Variants in TNFAIP6 observed in about 807,000 individuals in gnomAD.
The protein encoded by TNFAIP6 is TNF alpha induced protein 6.
In TNFAIP6, 36 loss-of-function variants were observed where a neutral mutation model predicts 33.7. That is an observed-to-expected ratio of 1.07 (90% CI 0.82 to 1.41). TNFAIP6 has a LOEUF of 1.41. Among genes scored for constraint, TNFAIP6 ranks in the 40% most tolerant of loss-of-function variants. TNFAIP6 has a pLI of 0.00. For synonymous variants in TNFAIP6, 113 were observed against 112.8 expected, an observed-to-expected ratio of 1.00 and a Z score of -0.01; for missense variants, 273 against 331.9, an observed-to-expected ratio of 0.82 and a Z score of 1.38.
intron 1 of TNFAIP6, among the ~76,000 whole-genome samples, chr2:151,359,008 C>T (rs936841345): frequency 2.0e-5 from 3 of 152,096 alleles, no homozygotes; most frequent in Admixed American, 1.3e-4. Flanking sequence ...CTCTAATAAT[C>T]AAGTAATTTA....
At chr2:151,373,508 T>A (rs758047448) in intron 4 of TNFAIP6, 41 bp from the exon 5 acceptor site, 4 of 1,339,316 alleles carry the variant, frequency 3.0e-6, no homozygotes, top group Middle Eastern at 1.9e-4. Context: ...CTGTATAATA[T>A]TCATTTGTGT....
intron 1 of TNFAIP6, among the ~76,000 whole-genome samples, chr2:151,363,643 CAGAG>C (rs985824341): frequency 1.3e-5 from 2 of 152,108 alleles, no homozygotes; most frequent in South Asian, 2.1e-4. Context: ...GCCTGGGAGA[CAGAG>C]AGACTCCGTC....
chr2:151,373,632 T>C (rs762686181), intron 5 of TNFAIP6, 43 bp downstream of exon 5: 1 of 1,245,306 alleles, frequency 8.0e-7, no homozygotes, highest in Non-Finnish European at 1.1e-6. Context: ...TTTGTTTCTT[T>C]ACAGTGTCCC....
At chr2:151,377,481 GTT>G (rs1684935341) in intron 5 of TNFAIP6, among the ~76,000 whole-genome samples, 3 of 97,576 alleles carry the variant, frequency 3.1e-5, no homozygotes, top group Non-Finnish European at 6.1e-5. Context: ...TTTTGTGTTT[GTT>G]TGTTTGTTTG....
chr2:151,364,194 G>A (rs559125316), intron 2 of TNFAIP6, 114 bp downstream of exon 2: 171 of 1,312,800 alleles, frequency 1.3e-4, no homozygotes, highest in Non-Finnish European at 1.6e-4. Context: ...ATATCACTAA[G>A]CCCCTAGGAC....
At chr2:151,381,164 C>T (rs1472216781), downstream of TNFAIP6, among the ~76,000 whole-genome samples, 1 of 152,016 alleles carries the variant, frequency 6.6e-6, no homozygotes. Flanking sequence ...CTTCCTCTTC[C>T]AAAGCAAGTC....
Position 151,379,456 on chromosome 2 carries a change from T to TC in TNFAIP6, c.759dup (p.Ser254GlnfsTer14). On this transcript the variant is annotated frameshift_variant, in exon 6 of 6. Coordinates refer to ENST00000243347, the MANE Select transcript of TNFAIP6 (RefSeq NM_007115.4). LOFTEE classifies it high-confidence loss of function. ...TGTTGCAATGGATCCTGTATCCAAA[T>TC]CCAGTCAAGGAAAAAATACAAGTAC... is the stretch of plus-strand genomic sequence containing the variant. 1.2e-6 allele frequency: 2 copies of TC among 1,605,006 alleles called. No individual in the cohort carries two copies. The highest frequency in any genetic ancestry group is 1.7e-6 in the Non-Finnish European group (2 of 1,176,670).
downstream of TNFAIP6, among the ~76,000 whole-genome samples, chr2:151,380,985 G>A (rs560878874): frequency 7.2e-5 from 11 of 151,864 alleles, no homozygotes; most frequent in South Asian, 2.3e-3. Context: ...ACCTTTTTAG[G>A]GAGAAAAAAA....
chr2:151,370,227 A>C lies in TNFAIP6; in HGVS notation c.602A>C (p.Asp201Ala). 6.2e-7 allele frequency: 1 copy of C among 1,614,020 alleles called. No individual in the cohort carries two copies. The highest frequency in any genetic ancestry group is 1.1e-5 in the South Asian group (1 of 91,082). The change falls in exon 4 of 6, where the codon GAT (aspartate) becomes GCT (alanine). Residue 201 changes from aspartate (D) to alanine (A), a missense_variant. By Grantham distance (126) the Asp-to-Ala change is moderately radical. Coordinates refer to ENST00000243347, the MANE Select transcript of TNFAIP6 (RefSeq NM_007115.4). Reference sequence around the variant, plus strand: ...GTTGAAATATATGACAGTTACGATGATGTCCATGGCTTTGTGGGAAGGTAC... The same window carrying C: ...GTTGAAATATATGACAGTTACGATGCTGTCCATGGCTTTGTGGGAAGGTAC... ...DYVEIYDSYD[D>A]VHGFVGRYCG...
At chr2:151,373,453 G>A (rs1684849448) in intron 4 of TNFAIP6, 96 bp from the exon 5 acceptor site, 2 of 569,164 alleles carry the variant, frequency 3.5e-6, no homozygotes, top group Admixed American at 6.0e-5. Flanking sequence ...GGAACAATGA[G>A]CTATTACTTA....
Position 151,379,545 on chromosome 2 carries a change from A to AG in TNFAIP6, c.*14dup. 1 of 1,344,484 alleles carries AG rather than the reference A, an allele frequency of 7.4e-7. No homozygotes were observed. Among genetic ancestry groups the AG allele is most frequent in the South Asian group, 1.4e-5 (1 of 70,732 alleles). The allele number at this position is 1,344,484 out of a possible 1,614,324, so 83.3% of individuals were successfully genotyped here. ...TTAGCCACTTATAAAAAAAAAAAAA[A>AG]GGATGATCAAAACACACAGTGTTTA... On this transcript the variant is annotated 3_prime_UTR_variant, in exon 6 of 6. Transcript: ENST00000243347.
intron 4 of TNFAIP6, among the ~76,000 whole-genome samples, chr2:151,370,643 T>G (rs144179422): frequency 2.0e-5 from 3 of 152,316 alleles, no homozygotes; most frequent in African/African-American, 7.2e-5. Context: ...GCCTTTGGAT[T>G]ATGGCTAAGT....
chr2:151,358,782 A>G (rs1684576829), intron 1 of TNFAIP6, among the ~76,000 whole-genome samples: 1 of 151,994 alleles, frequency 6.6e-6, no homozygotes, highest in Non-Finnish European at 1.5e-5. Context: ...CTTGCCGCCT[A>G]TTTTTTTCAG....
chr2:151,364,034 C>G lies in TNFAIP6; in HGVS notation c.186C>G (p.Gly62=). 1 of 1,614,000 alleles carries G rather than the reference C, an allele frequency of 6.2e-7. No individual in the cohort carries two copies. The change falls in exon 2 of 6, where the codon GGC becomes GGG. Residue 62 remains glycine, a synonymous_variant. Transcript: ENST00000243347. ...AEAKAVCEFE[G]GHLATYKQLE... ...CTAAGGCGGTGTGTGAATTTGAAGGCGGCCATCTCGCAACTTACAAGCAGC... is the reference window on the plus strand; with the variant it reads ...CTAAGGCGGTGTGTGAATTTGAAGGGGGCCATCTCGCAACTTACAAGCAGC...
rs534615843 is a variant in TNFAIP6 at position 151,378,389 on chromosome 2, T to C, written c.665-975T>C. On this transcript the variant is annotated intron_variant, in intron 5 of 5. Transcript: ENST00000243347. Reference sequence around the variant, plus strand: ...TTCTAATAAATGTGAAACTTGTTGCTCTGACATCATTTAGTAAATAACTCA... The same window carrying C: ...TTCTAATAAATGTGAAACTTGTTGCCCTGACATCATTTAGTAAATAACTCA... Among the ~76,000 whole-genome samples the C allele has an allele frequency of 6.6e-5, 10 of 152,300 alleles. No homozygotes were observed. The South Asian group carries it at 2.1e-3, about 32-fold the overall frequency.
chr2:151,361,067 T>G (rs1699711551), intron 1 of TNFAIP6, among the ~76,000 whole-genome samples: 1 of 152,122 alleles, frequency 6.6e-6, no homozygotes, highest in South Asian at 2.1e-4. Context: ...TTTTTTGTTT[T>G]GTTTTGGTTT....
intron 1 of TNFAIP6, among the ~76,000 whole-genome samples, chr2:151,359,626 G>C (rs1377768125): frequency 6.6e-6 from 1 of 152,134 alleles, no homozygotes; most frequent in Non-Finnish European, 1.5e-5. Context: ...CTGACCTCGT[G>C]ATCCGCCCAC....
In TNFAIP6 at chr2:151,357,693, C is replaced by G. The variant is rs772954393; in HGVS notation, c.27C>G (p.Leu9=). 3.7e-6 allele frequency: 6 copies of G among 1,612,146 alleles called. No homozygotes were observed. Among genetic ancestry groups the G allele is most frequent in the East Asian group, 2.2e-5 (1 of 44,858 alleles). ...TGATCATCTTAATTTACTTATTTCTCTTGCTATGGGAAGACACTCAAGGAT... is the reference window on the plus strand; with the variant it reads ...TGATCATCTTAATTTACTTATTTCTGTTGCTATGGGAAGACACTCAAGGAT... The part of the protein sequence containing the change: MIILIYLF[L]LLWEDTQGWG... The change falls in exon 1 of 6, where the codon CTC becomes CTG. Residue 9 remains leucine (L), a synonymous_variant. Coordinates refer to ENST00000243347, the MANE Select transcript of TNFAIP6 (RefSeq NM_007115.4).
At chr2:151,380,260 A>G (rs1004807132), downstream of TNFAIP6, among the ~76,000 whole-genome samples, 2 of 151,714 alleles carry the variant, frequency 1.3e-5, no homozygotes, top group African/African-American at 2.4e-5. Flanking sequence ...TTTTTTCACT[A>G]TTTTTAAAAA....
Sources: gnomAD v4.1 joint callset for allele counts (sites outside exome capture counted in the v4.1 genomes callset) on GRCh38, gnomAD v4.1.1 for gene constraint, MANE v1.5 for transcripts, NCBI Gene and HGNC (gene_info 2026-07-23, HGNC 2026-07-21) for gene names.